WAPL: variants seen among roughly 807,000 people sequenced by gnomAD.
WAPL encodes the protein wings apart-like protein homolog.
Under a neutral mutation model 121.0 loss-of-function variants are expected in WAPL, and 5 were observed. The ratio of observed to expected loss-of-function variants is 0.04; its 90% CI spans 0.02 to 0.09. The LOEUF (loss-of-function observed/expected upper bound fraction) is 0.09. Among genes scored for constraint, WAPL ranks in the 10% least tolerant of loss-of-function variants. The pLI, the probability that WAPL is intolerant of heterozygous loss-of-function variation, is 1.00. For missense variants in WAPL, 999 were observed against 1,410.8 expected, an observed-to-expected ratio of 0.71 and a Z score of 4.68; for synonymous variants, 480 against 481.5, an observed-to-expected ratio of 1.00 and a Z score of 0.04.
At chr10:86,458,924 T>C in intron 12 of WAPL, 65 bp downstream of exon 12, 1 of 1,346,760 alleles carries the variant, frequency 7.4e-7, no homozygotes. Context: ...CTTTCATTTA[T>C]GGTCAATCCA....
chr10:86,520,700 T>C (rs1310058961), intron 1 of WAPL, among the ~76,000 whole-genome samples: 1 of 151,832 alleles, frequency 6.6e-6, no homozygotes, highest in East Asian at 1.9e-4. Flanking sequence ...ACTAAGTCTT[T>C]TCGGTCGTTC....
At chr10:86,513,384 G>A (rs976124918) in intron 2 of WAPL, among the ~76,000 whole-genome samples, 2 of 152,130 alleles carry the variant, frequency 1.3e-5, no homozygotes, top group Non-Finnish European at 2.9e-5. Context: ...ACCCAGGCTG[G>A]AGTGCGGTGG....
chr10:86,466,622 G>A (rs1201384155), intron 9 of WAPL, among the ~76,000 whole-genome samples: 1 of 152,108 alleles, frequency 6.6e-6, no homozygotes. Context: ...AAAAGAAAAT[G>A]GTGGATGTAA....
intron 15 of WAPL, among the ~76,000 whole-genome samples, chr10:86,451,106 C>CTT (rs1001754126): frequency 1.4e-5 from 2 of 141,612 alleles, no homozygotes. Context: ...GGATTCTTGA[C>CTT]TTTTTTTTTT....
At chr10:86,451,091 G>A (rs141534445) in intron 15 of WAPL, among the ~76,000 whole-genome samples, 162 of 152,016 alleles carry the variant, frequency 1.1e-3, no homozygotes, top group Non-Finnish European at 1.8e-3. Flanking sequence ...GGATGTGATG[G>A]GCCTGGATTC....
At chr10:86,459,500 T>G (rs1054997573) in intron 11 of WAPL, among the ~76,000 whole-genome samples, 2 of 152,252 alleles carry the variant, frequency 1.3e-5, no homozygotes, top group African/African-American at 4.8e-5. Context: ...GCTTTTAATT[T>G]ATACTATACT....
chr10:86,499,787 G>A lies in WAPL; in HGVS notation c.1456C>T (p.Pro486Ser), dbSNP rs1224699954. ...SKKRTKTAPS[P>S]SLQPPPESND... ...CTTTCTGGGGGAGGCTGCAAGGAGG[G>A]TGATGGAGCTGTTTTAGTTCTTTTT... Residue 486 changes from proline to serine, a missense_variant, in exon 3 of 19, where the codon CCC becomes TCC. Transcript: ENST00000298767. 1 of 1,612,018 alleles carries A rather than the reference G, an allele frequency of 6.2e-7. No individual in the cohort carries two copies. Among genetic ancestry groups the A allele is most frequent in the Non-Finnish European group, 8.5e-7 (1 of 1,179,410 alleles).
At chr10:86,491,351 G>A (rs1842043290) in intron 4 of WAPL, among the ~76,000 whole-genome samples, 2 of 151,698 alleles carry the variant, frequency 1.3e-5, no homozygotes, top group African/African-American at 4.8e-5. Context: ...GTGTTAGCCA[G>A]GATGGTCTTG....
At chr10:86,466,233 T>C (rs532399314) in intron 9 of WAPL, among the ~76,000 whole-genome samples, 2 of 152,170 alleles carry the variant, frequency 1.3e-5, no homozygotes, top group East Asian at 1.9e-4. Context: ...ATGAAGCAGT[T>C]AGACACCCTG....
intron 3 of WAPL, among the ~76,000 whole-genome samples, chr10:86,497,712 A>G (rs1842175734): frequency 6.6e-6 from 1 of 152,180 alleles, no homozygotes; most frequent in Admixed American, 6.5e-5. Context: ...TACCTGTAAC[A>G]TTTTTCAGAA....
At chr10:86,470,836 C>A (rs1335106323) in intron 8 of WAPL, among the ~76,000 whole-genome samples, 156 bp downstream of exon 8, 2 of 152,076 alleles carry the variant, frequency 1.3e-5, no homozygotes, top group African/African-American at 4.8e-5. Flanking sequence ...TAAGCAAAAG[C>A]TTCTGGCCAT....
intron 16 of WAPL, among the ~76,000 whole-genome samples, chr10:86,444,909 A>AAAG: frequency 6.6e-6 from 1 of 151,548 alleles, no homozygotes; most frequent in South Asian, 2.1e-4. Flanking sequence ...AAAAAAAAAA[A>AAAG]AAAGAAATGC....
intron 9 of WAPL, among the ~76,000 whole-genome samples, chr10:86,466,022 A>G (rs1016149926): frequency 6.6e-6 from 1 of 152,258 alleles, no homozygotes; most frequent in Admixed American, 6.5e-5. Flanking sequence ...TGAATGGAAC[A>G]TATTGATTCT....
chr10:86,446,431 G>A lies in WAPL; in HGVS notation c.3133C>T (p.Arg1045Trp), dbSNP rs113314659. ...TTACTTTCTGCTAGCTGGGCTGCCC[G>A]CTCTCGCTCAAGGAATAGCTGATAA... ...ALVQLFLERE[R>W]AAQLAESKTD... Residue 1045 changes from arginine to tryptophan, a missense_variant, in exon 16 of 19, where the codon CGG (arginine) becomes TGG (tryptophan). Coordinates refer to ENST00000298767, the MANE Select transcript of WAPL (RefSeq NM_015045.5). 2.3e-5 allele frequency: 37 copies of A among 1,613,826 alleles called. No homozygotes were observed. Among genetic ancestry groups the A allele is most frequent in the Middle Eastern group, 1.6e-4 (1 of 6,078 alleles).
At chr10:86,453,399 G>T in intron 13 of WAPL, 64 bp from the exon 14 acceptor site, 1 of 1,497,150 alleles carries the variant, frequency 6.7e-7, no homozygotes, top group Non-Finnish European at 9.3e-7. Flanking sequence ...TAATAATGGA[G>T]ATTTATTAAC....
At chr10:86,469,106 T>TAAATAAAATA (rs552831506) in intron 8 of WAPL, among the ~76,000 whole-genome samples, 1 of 150,958 alleles carries the variant, frequency 6.6e-6, no homozygotes, top group African/African-American at 2.4e-5. Flanking sequence ...TCTCTCAAAA[T>TAAATAAAATA]AAATAAAATA....
rs1841059060 is a variant in WAPL at position 86,453,693 on chromosome 10, G to T, written c.2796C>A (p.Ala932=). The change falls in exon 13 of 19, where the codon GCC becomes GCA. Residue 932 remains alanine (A), a synonymous_variant. Coordinates refer to ENST00000298767, the MANE Select transcript of WAPL (RefSeq NM_015045.5). ...TTAAATTAAGCAACACCCCGATGAT[G>T]GCCCTCATGCAGTCCTCCACTGCTT... ...VGKAVEDCMR[A]IIGVLLNLTN... is the part of the protein sequence containing the mutation. 1.9e-6 allele frequency: 3 copies of T among 1,608,004 alleles called. No individual in the cohort carries two copies. Among genetic ancestry groups the T allele is most frequent in the Non-Finnish European group, 2.5e-6 (3 of 1,178,672 alleles).
Position 86,518,096 on chromosome 10 carries a change from G to GA in WAPL, c.-22-6dup, listed in dbSNP as rs746934471. The GA allele has an allele frequency of 5.7e-6, 9 of 1,589,194 alleles. No homozygotes were observed. Among genetic ancestry groups the GA allele is most frequent in the South Asian group, 2.3e-5 (2 of 87,624 alleles). ...TTGACACCAGTTTCATATTCTCTGT[G>GA]AAAAAAAATTTAAGAAAACATATAA... On this transcript the variant is annotated splice_region_variant and splice_polypyrimidine_tract_variant and intron_variant, in intron 1 of 18. Coordinates refer to ENST00000298767, the MANE Select transcript of WAPL (RefSeq NM_015045.5).
At position 86,497,296 on chromosome 10, in the gene WAPL, A is replaced by C; in HGVS notation, c.1549T>G (p.Leu517Val). The C allele has an allele frequency of 6.2e-7, 1 of 1,609,860 alleles. No homozygotes were observed. Among genetic ancestry groups the C allele is most frequent in the East Asian group, 2.2e-5 (1 of 44,828 alleles). The change falls in exon 4 of 19, where the codon TTG becomes GTG. Residue 517 changes from leucine (L) to valine (V), a missense_variant. Leu to Val is a conservative substitution (Grantham distance 32). Coordinates refer to ENST00000298767, the MANE Select transcript of WAPL (RefSeq NM_015045.5). ...TTCACACTTTCAGGCACACCAGGCAAGTCCTCTGTAAAATCCAAGTTTTCT... is the reference window on the plus strand; with the variant it reads ...TTCACACTTTCAGGCACACCAGGCACGTCCTCTGTAAAATCCAAGTTTTCT... ...NAENLDFTED[L>V]PGVPESVKKP...
Sources: allele counts gnomAD v4.1 joint callset (sites outside exome capture counted in the v4.1 genomes callset), GRCh38; gene constraint gnomAD v4.1.1; transcripts MANE v1.5; gene names NCBI Gene and HGNC (gene_info 2026-07-23, HGNC 2026-07-21).